Variants in FSTL5 observed in about 807,000 individuals in gnomAD.
FSTL5 encodes the protein follistatin-related protein 5.
Under a neutral mutation model 89.1 loss-of-function variants are expected in FSTL5, and 62 were observed. The observed-to-expected ratio is 0.70, with a 90% CI of 0.57 to 0.86. The LOEUF (loss-of-function observed/expected upper bound fraction) is 0.86. Among genes scored for constraint, FSTL5 ranks in the 40% least tolerant of loss-of-function variants. The pLI, the probability that FSTL5 is intolerant of heterozygous loss-of-function variation, is 0.00. For missense variants in FSTL5, 1,057 were observed against 1,001.6 expected, an observed-to-expected ratio of 1.06 and a Z score of -0.75; for synonymous variants, 383 against 346.2, an observed-to-expected ratio of 1.11 and a Z score of -1.18.
At chr4:161,647,296 C>T (rs1408909313) in intron 7 of FSTL5, among the ~76,000 whole-genome samples, 1 of 152,118 alleles carries the variant, frequency 6.6e-6, no homozygotes, top group Admixed American at 6.5e-5. Flanking sequence ...CCTTCTAGAA[C>T]ATCAATTGAA....
chr4:162,040,946 C>T (rs112283417), intron 2 of FSTL5, among the ~76,000 whole-genome samples: 54 of 152,074 alleles, frequency 3.6e-4, no homozygotes, highest in Non-Finnish European at 6.5e-4. Flanking sequence ...CTGACATATC[C>T]TTAATGTCTT....
chr4:161,759,714 T>G (rs1740716017), intron 5 of FSTL5, among the ~76,000 whole-genome samples, 183 bp from the exon 6 acceptor site: 1 of 152,230 alleles, frequency 6.6e-6, no homozygotes, highest in Admixed American at 6.5e-5. Context: ...TTCAAAGATA[T>G]AAAGTTATGA....
intron 1 of FSTL5, among the ~76,000 whole-genome samples, chr4:162,147,655 G>C (rs1453787297): frequency 1.3e-5 from 2 of 152,124 alleles, no homozygotes; most frequent in Non-Finnish European, 2.9e-5. Flanking sequence ...AGGCTTTCCA[G>C]AAAGTTTTTA....
chr4:161,656,822 T>C (rs140252519), intron 6 of FSTL5, among the ~76,000 whole-genome samples: 37 of 152,294 alleles, frequency 2.4e-4, no homozygotes, highest in African/African-American at 8.7e-4. Flanking sequence ...GTCATCAGCA[T>C]TGAAATAAAA....
intron 6 of FSTL5, among the ~76,000 whole-genome samples, chr4:161,677,738 T>C (rs1737355996): frequency 1.3e-5 from 2 of 151,916 alleles, no homozygotes; most frequent in South Asian, 4.1e-4. Flanking sequence ...TCTTTAGGAA[T>C]TTTCAAGTAT....
chr4:161,398,916 T>C (rs967634058), intron 15 of FSTL5, among the ~76,000 whole-genome samples: 1 of 152,036 alleles, frequency 6.6e-6, no homozygotes, highest in African/African-American at 2.4e-5. Context: ...TTTTAAGCAA[T>C]TTAAAAGCCC....
chr4:161,758,532 T>G (rs1406313098), intron 6 of FSTL5, among the ~76,000 whole-genome samples: 1 of 152,164 alleles, frequency 6.6e-6, no homozygotes, highest in Non-Finnish European at 1.5e-5. Context: ...ATTATTAATA[T>G]TATTGCCATG....
chr4:161,922,009 T>C (rs546930878), intron 3 of FSTL5, among the ~76,000 whole-genome samples: 42 of 152,216 alleles, frequency 2.8e-4, no homozygotes, highest in Middle Eastern at 3.4e-3. Flanking sequence ...AGCTCATACA[T>C]TAATTTTATT....
chr4:161,911,551 T>G (rs144055283), intron 4 of FSTL5, among the ~76,000 whole-genome samples: 3 of 152,224 alleles, frequency 2.0e-5, no homozygotes, highest in Non-Finnish European at 4.4e-5. Context: ...AATTCACACA[T>G]TGACTAAAGG....
In FSTL5 at chr4:161,421,937, C is replaced by T. The variant is rs138436424; in HGVS notation, c.1841+33067G>A. Reference sequence around the variant, plus strand: ...CTCTCAGTCTCCAGCTTGCAGACAGCAGATTGTGGGACTTTTCAGCCTTCA... The same window carrying T: ...CTCTCAGTCTCCAGCTTGCAGACAGTAGATTGTGGGACTTTTCAGCCTTCA... On this transcript the variant is annotated intron_variant, in intron 15 of 15. Transcript: ENST00000306100. Among the ~76,000 whole-genome samples the T allele has an allele frequency of 3.6e-3, 549 of 152,240 alleles. 5 individuals carry two copies. The highest frequency in any genetic ancestry group is 9.4e-3 in the African/African-American group (390 of 41,540).
At chr4:161,690,720 G>C (rs1003072487) in intron 6 of FSTL5, among the ~76,000 whole-genome samples, 5 of 152,070 alleles carry the variant, frequency 3.3e-5, no homozygotes, top group Non-Finnish European at 7.4e-5. Flanking sequence ...GTTGTGTCAT[G>C]GGGGTTTGTT....
intron 13 of FSTL5, among the ~76,000 whole-genome samples, chr4:161,476,175 T>TTTTTG (rs1560913573): frequency 2.0e-5 from 2 of 97,710 alleles, no homozygotes; most frequent in Non-Finnish European, 4.1e-5. Context: ...GTTTGCTGGT[T>TTTTTG]TTTTTTTTTT....
intron 2 of FSTL5, among the ~76,000 whole-genome samples, chr4:162,105,893 T>C (rs2111395180): frequency 6.6e-6 from 1 of 152,178 alleles, no homozygotes; most frequent in Non-Finnish European, 1.5e-5. Context: ...CGATAGCAAA[T>C]TTTTTCCTCA....
At chr4:161,609,079 A>G (rs1734553876) in intron 7 of FSTL5, among the ~76,000 whole-genome samples, 1 of 151,866 alleles carries the variant, frequency 6.6e-6, no homozygotes, top group East Asian at 1.9e-4. Flanking sequence ...TTATTTGTTA[A>G]TTGTCTGTCT....
intron 4 of FSTL5, among the ~76,000 whole-genome samples, chr4:161,783,745 T>G (rs1168691569): frequency 9.0e-6 from 1 of 110,616 alleles, no homozygotes; most frequent in South Asian, 3.3e-4. Context: ...TCTTTCTTTC[T>G]TTCTTTCTTT....
intron 6 of FSTL5, among the ~76,000 whole-genome samples, chr4:161,715,289 T>C (rs1489284163): frequency 1.3e-5 from 2 of 152,164 alleles, no homozygotes; most frequent in Admixed American, 1.3e-4. Context: ...ATGTATTTCA[T>C]ATACAAAAAA....
chr4:161,518,355 G>A (rs1730911254), intron 10 of FSTL5, among the ~76,000 whole-genome samples: 1 of 152,190 alleles, frequency 6.6e-6, no homozygotes, highest in African/African-American at 2.4e-5. Flanking sequence ...GAGAACAGGA[G>A]CTTTAAGGAT....
chr4:161,578,950 G>A (rs1167469271), intron 8 of FSTL5, among the ~76,000 whole-genome samples: 1 of 152,056 alleles, frequency 6.6e-6, no homozygotes, highest in African/African-American at 2.4e-5. Flanking sequence ...AATGTATCAG[G>A]AGCAGACCTG....
rs1179392157 is a variant in FSTL5 at position 161,565,163 on chromosome 4, A to C, written c.1015+22292T>G. 5.9e-5 allele frequency among the ~76,000 whole-genome samples: 9 copies of C among 151,880 alleles called. No individual in the cohort carries two copies. In the South Asian group the frequency reaches 1.2e-3, roughly 21 times the overall value. ...GCCTCTCAGACCTCCGTATTAACAG[A>C]AAACTAATCAAAGCCCTCCAATCTA... On this transcript the variant is annotated intron_variant, in intron 8 of 15. Coordinates refer to ENST00000306100, the MANE Select transcript of FSTL5 (RefSeq NM_020116.5).
Sources: allele counts gnomAD v4.1 joint callset (sites outside exome capture counted in the v4.1 genomes callset), GRCh38; gene constraint gnomAD v4.1.1; transcripts MANE v1.5; gene names NCBI Gene and HGNC (gene_info 2026-07-23, HGNC 2026-07-21).